STAP1: variants seen among roughly 807,000 people sequenced by gnomAD.
STAP1 encodes the protein signal-transducing adaptor protein 1.
In STAP1, 30 loss-of-function variants were observed where a neutral mutation model predicts 37.8. The ratio of observed to expected loss-of-function variants is 0.79; its 90% CI spans 0.59 to 1.08. The LOEUF (loss-of-function observed/expected upper bound fraction) is 1.08, where lower values mean the gene tolerates loss of function less well. STAP1 is among the 50% of genes least tolerant of loss of function. The pLI is 0.00. For synonymous variants in STAP1, 130 were observed against 116.0 expected (o/e 1.12, Z -0.78); for missense variants, 357 against 349.4 (o/e 1.02, Z -0.17).
At chr4:67,576,228 C>G (rs572584948) in intron 3 of STAP1, among the ~76,000 whole-genome samples, 105 of 152,254 alleles carry the variant, frequency 6.9e-4, no homozygotes, top group Non-Finnish European at 1.3e-3. Context: ...CTCCTATGCC[C>G]CTAGTTGGAC....
chr4:67,576,365 G>GT lies in STAP1; in HGVS notation c.307-829dup, dbSNP rs934395719. Among the ~76,000 whole-genome samples, 621 of 150,578 alleles carry GT rather than the reference G, an allele frequency of 4.1e-3. 5 individuals carry two copies. Among genetic ancestry groups the GT allele is most frequent in the African/African-American group, 0.014 (569 of 41,030 alleles). On this transcript the variant is annotated intron_variant, in intron 3 of 8. Transcript: ENST00000265404. Reference sequence around the variant, plus strand: ...AGACTCTAAACTCCATGAGAACAAGGTTTTTTTTTCGTTCCCTAATATAAA... The same window carrying GT: ...AGACTCTAAACTCCATGAGAACAAGGTTTTTTTTTTCGTTCCCTAATATAAA...
At chr4:67,580,236 A>T (rs1727820832) in intron 4 of STAP1, among the ~76,000 whole-genome samples, 2 of 152,214 alleles carry the variant, frequency 1.3e-5, no homozygotes, top group South Asian at 4.1e-4. Flanking sequence ...TAGTCAATTA[A>T]TAAAGATATG....
chr4:67,570,992 CA>C, intron 1 of STAP1, 91 bp from the exon 2 acceptor site: 1 of 1,005,762 alleles, frequency 9.9e-7, no homozygotes, highest in Non-Finnish European at 1.5e-6. Flanking sequence ...TTATATCACA[CA>C]AGCAATTAAG....
intron 1 of STAP1, among the ~76,000 whole-genome samples, chr4:67,568,299 C>T (rs1397394737): frequency 6.6e-6 from 1 of 152,132 alleles, no homozygotes; most frequent in Admixed American, 6.5e-5. Flanking sequence ...ATATAACTTT[C>T]TTATATTAAT....
chr4:67,577,002 G>T (rs1459314071), intron 3 of STAP1, among the ~76,000 whole-genome samples: 1 of 152,102 alleles, frequency 6.6e-6, no homozygotes, highest in Admixed American at 6.5e-5. Context: ...TTTGTTTTAA[G>T]TAAGCAAACA....
At chr4:67,576,785 A>G (rs2109861707) in intron 3 of STAP1, among the ~76,000 whole-genome samples, 1 of 152,280 alleles carries the variant, frequency 6.6e-6, no homozygotes, top group South Asian at 2.1e-4. Flanking sequence ...TGAGCTACCA[A>G]CCCTGACCTG....
At chr4:67,592,458 G>A (rs181562472) in intron 7 of STAP1, among the ~76,000 whole-genome samples, 1 of 152,130 alleles carries the variant, frequency 6.6e-6, no homozygotes, top group East Asian at 1.9e-4. Context: ...GGTTTTAAAG[G>A]TTATTTGCTT....
Position 67,583,659 on chromosome 4 carries a change from A to G in STAP1, c.616A>G (p.Ser206Gly). ...GGGAAATATGATCCTGAGGCCTGGTAGTGACAGTAGAAACTACTCCATCAC... is the reference window on the plus strand; with the variant it reads ...GGGAAATATGATCCTGAGGCCTGGTGGTGACAGTAGAAACTACTCCATCAC... ...SLGNMILRPG[S>G]DSRNYSITIR... Residue 206 changes from serine to glycine, a missense_variant, in exon 6 of 9, where the codon AGT (serine) becomes GGT (glycine). Coordinates refer to ENST00000265404, the MANE Select transcript of STAP1 (RefSeq NM_012108.4). 1 of 1,614,068 alleles carries G rather than the reference A, an allele frequency of 6.2e-7. No individual in the cohort carries two copies. Among genetic ancestry groups the G allele is most frequent in the Non-Finnish European group, 8.5e-7 (1 of 1,179,954 alleles).
chr4:67,577,998 A>T (rs1283797687), intron 4 of STAP1, among the ~76,000 whole-genome samples: 1 of 152,188 alleles, frequency 6.6e-6, no homozygotes, highest in East Asian at 1.9e-4. Flanking sequence ...ATACTAGCCA[A>T]GATGAATTTT....
intron 4 of STAP1, among the ~76,000 whole-genome samples, chr4:67,580,022 A>C (rs1234897928): frequency 1.3e-5 from 2 of 152,028 alleles, no homozygotes; most frequent in South Asian, 2.1e-4. Context: ...CATGCCACCC[A>C]AAATTTTTGT....
intron 8 of STAP1, among the ~76,000 whole-genome samples, chr4:67,603,369 C>G (rs1312328070): frequency 1.3e-5 from 2 of 152,170 alleles, no homozygotes; most frequent in Admixed American, 1.3e-4. Flanking sequence ...GTGTTCTACC[C>G]CACTGTGGCC....
chr4:67,595,838 G>C (rs189643278), intron 8 of STAP1, among the ~76,000 whole-genome samples: 7 of 152,092 alleles, frequency 4.6e-5, no homozygotes, highest in African/African-American at 1.7e-4. Flanking sequence ...GGATTATGTC[G>C]AATCTGTTGA....
In STAP1 at chr4:67,598,514, A is replaced by G. The variant is rs545218897; in HGVS notation, c.826+5158A>G. Among the ~76,000 whole-genome samples, 4 of 152,142 alleles carry G rather than the reference A, an allele frequency of 2.6e-5. No individual in the cohort carries two copies. In the South Asian group the frequency reaches 8.3e-4, roughly 31 times the overall value. ...ATATCACCTTGTAGTTTTGATCTGC[A>G]TTTCTCTGATGATCAGTGATGTTGA... On this transcript the variant is annotated intron_variant, in intron 8 of 8. Transcript: ENST00000265404.
In STAP1 at chr4:67,607,026, A is replaced by G. The variant is rs1207083042; in HGVS notation, c.*669A>G. ...GATTATAAGTACCTGGAGTTCTTAA[A>G]AATATGGAACCATCAGCCCCAGACT... On this transcript the variant is annotated 3_prime_UTR_variant, in exon 9 of 9. Transcript: ENST00000265404. 1 of 152,186 alleles carries G rather than the reference A, an allele frequency of 6.6e-6. No homozygotes were observed. Among genetic ancestry groups the G allele is most frequent in the Non-Finnish European group, 1.5e-5 (1 of 68,032 alleles). 9.4% of individuals were successfully genotyped at this position (152,186 alleles called of 1,614,324 possible).
At chr4:67,587,243 T>A (rs967913610) in intron 6 of STAP1, among the ~76,000 whole-genome samples, 1 of 152,208 alleles carries the variant, frequency 6.6e-6, no homozygotes, top group East Asian at 1.9e-4. Context: ...CTCTTATAGG[T>A]TATGGGAGAA....
intron 1 of STAP1, among the ~76,000 whole-genome samples, chr4:67,568,774 CT>C (rs1281695462): frequency 1.3e-5 from 2 of 152,170 alleles, no homozygotes; most frequent in African/African-American, 4.8e-5. Context: ...ATGTACTCTG[CT>C]AAGTGCTTTA....
At chr4:67,561,359 G>C (rs1727333843) in intron 1 of STAP1, among the ~76,000 whole-genome samples, 1 of 152,220 alleles carries the variant, frequency 6.6e-6, no homozygotes, top group African/African-American at 2.4e-5. Context: ...TCTGCAGAAT[G>C]TAAAGTTGGG....
intron 6 of STAP1, among the ~76,000 whole-genome samples, chr4:67,589,807 T>TG (rs1472609394): frequency 1.2e-4 from 16 of 138,914 alleles, no homozygotes; most frequent in Middle Eastern, 7.6e-3. Flanking sequence ...TGGGGGATCC[T>TG]AATTTTTTTT....
At chr4:67,576,125 T>C (rs1727714370) in intron 3 of STAP1, among the ~76,000 whole-genome samples, 1 of 152,134 alleles carries the variant, frequency 6.6e-6, no homozygotes, top group African/African-American at 2.4e-5. Context: ...TGTGTCTTTG[T>C]TTCTTCACCC....
Sources: allele counts gnomAD v4.1 joint callset (sites outside exome capture counted in the v4.1 genomes callset), GRCh38; gene constraint gnomAD v4.1.1; transcripts MANE v1.5; gene names NCBI Gene and HGNC (gene_info 2026-07-23, HGNC 2026-07-21).